GPR19: variants seen among roughly 807,000 people sequenced by gnomAD.
The protein encoded by GPR19 is probable G protein-coupled receptor 19.
Under a neutral mutation model 28.5 loss-of-function variants are expected in GPR19, and 14 were observed. The ratio of observed to expected loss-of-function variants is 0.49; its 90% CI spans 0.32 to 0.77. The LOEUF (loss-of-function observed/expected upper bound fraction) is 0.77, where lower values mean the gene tolerates loss of function less well. GPR19 is among the 30% of genes least tolerant of loss of function. GPR19 has a pLI of 0.03. For missense variants in GPR19, 409 were observed against 504.1 expected (o/e 0.81, Z 1.81); for synonymous variants, 173 against 184.1 (o/e 0.94, Z 0.49).
intron 3 of GPR19, among the ~76,000 whole-genome samples, chr12:12,670,778 T>C (rs1436046088): frequency 6.6e-6 from 1 of 152,208 alleles, no homozygotes. Flanking sequence ...AATTTAGCTT[T>C]GTCAAGGGTA....
intron 3 of GPR19, among the ~76,000 whole-genome samples, chr12:12,670,424 T>C (rs1945840749): frequency 6.6e-6 from 1 of 152,206 alleles, no homozygotes; most frequent in Non-Finnish European, 1.5e-5. Context: ...ATCCTATTCC[T>C]GTCACTCACT....
chr12:12,681,172 A>G (rs1435057099), intron 3 of GPR19, among the ~76,000 whole-genome samples: 1 of 152,166 alleles, frequency 6.6e-6, no homozygotes, highest in African/African-American at 2.4e-5. Flanking sequence ...CTGATGGAGA[A>G]GAAACTACGT....
Position 12,688,347 on chromosome 12 carries a change from G to GT in GPR19, c.-179-3841dup, listed in dbSNP as rs34624218. On this transcript the variant is annotated intron_variant, in intron 2 of 3. Coordinates refer to ENST00000651487, the MANE Select transcript of GPR19 (RefSeq NM_006143.3). ...ATCAAATCTGTACATATAATGTCGA[G>GT]TTTTTTTTTTTAATAAAAAGGCAAG... 4.7e-3 allele frequency among the ~76,000 whole-genome samples: 695 copies of GT among 147,334 alleles called. 5 individuals are homozygous for GT. The highest frequency in any genetic ancestry group is 0.014 in the Middle Eastern group (4 of 286).
chr12:12,701,919 CAAAAAAA>C, the GPR19 span, among the ~76,000 whole-genome samples: 2 of 96,140 alleles, frequency 2.1e-5, no homozygotes, highest in Non-Finnish European at 4.4e-5. Context: ...GACCCTGTCT[CAAAAAAA>C]AAAAAAAAAA....
chr12:12,670,979 G>T (rs957333496), intron 3 of GPR19, among the ~76,000 whole-genome samples: 1 of 151,954 alleles, frequency 6.6e-6, no homozygotes, highest in African/African-American at 2.4e-5. Context: ...GATTGAATAC[G>T]CCTTTTTCAA....
chr12:12,712,311 G>C, the GPR19 span, among the ~76,000 whole-genome samples: 1 of 151,618 alleles, frequency 6.6e-6, no homozygotes, highest in African/African-American at 2.4e-5. Context: ...CCTAGACACT[G>C]TCTGTCATAT....
chr12:12,664,127 C>A (rs1945723115), intron 3 of GPR19, among the ~76,000 whole-genome samples: 1 of 152,112 alleles, frequency 6.6e-6, no homozygotes, highest in Admixed American at 6.5e-5. Context: ...GTAGTTGGGA[C>A]TAGAGGCGCG....
At chr12:12,664,759 A>G (rs1345450425) in intron 3 of GPR19, among the ~76,000 whole-genome samples, 1 of 151,938 alleles carries the variant, frequency 6.6e-6, no homozygotes, top group Non-Finnish European at 1.5e-5. Context: ...TCTCTACTAA[A>G]AATACAAAAG....
At chr12:12,703,061 A>C in the GPR19 span, among the ~76,000 whole-genome samples, 1 of 152,234 alleles carries the variant, frequency 6.6e-6, no homozygotes, top group South Asian at 2.1e-4. Flanking sequence ...GGAGCCCCAC[A>C]AAAATAGAGA....
At chr12:12,663,916 C>T (rs888934679) in intron 3 of GPR19, among the ~76,000 whole-genome samples, 2 of 152,142 alleles carry the variant, frequency 1.3e-5, no homozygotes, top group African/African-American at 4.8e-5. Flanking sequence ...CCTGTGTCTG[C>T]ACCTCACAAA....
chr12:12,703,605 G>T, the GPR19 span, among the ~76,000 whole-genome samples: 1 of 151,956 alleles, frequency 6.6e-6, no homozygotes, highest in African/African-American at 2.4e-5. Context: ...GTACTTCCTA[G>T]TTCTTACTGT....
At chr12:12,678,985 T>C (rs1945980340) in intron 3 of GPR19, among the ~76,000 whole-genome samples, 1 of 152,078 alleles carries the variant, frequency 6.6e-6, no homozygotes, top group East Asian at 1.9e-4. Context: ...TTTGTAGAGA[T>C]GGGGTTTCGC....
At chr12:12,662,619 CT>C (rs1945696805) in intron 3 of GPR19, 149 bp from the exon 4 acceptor site, 1 of 704,514 alleles carries the variant, frequency 1.4e-6, no homozygotes. Context: ...GAAAACATAA[CT>C]ACTATCCAGA....
chr12:12,668,587 GTATAA>G (rs1319602634), intron 3 of GPR19, among the ~76,000 whole-genome samples: 1 of 151,238 alleles, frequency 6.6e-6, no homozygotes, highest in African/African-American at 2.4e-5. Context: ...TTCTCACAAG[GTATAA>G]AGACCATTTT....
chr12:12,684,592 C>G (rs1036466118), intron 2 of GPR19, 85 bp from the exon 3 acceptor site: 1 of 152,240 alleles, frequency 6.6e-6, no homozygotes, highest in Non-Finnish European at 1.5e-5. Flanking sequence ...GTTGCCCCTC[C>G]CTTCTCCTTT....
At chr12:12,662,517 T>C in intron 3 of GPR19, 47 bp from the exon 4 acceptor site, 10 of 1,405,512 alleles carry the variant, frequency 7.1e-6, no homozygotes, top group Middle Eastern at 1.8e-4. Flanking sequence ...AAAGGTGTCA[T>C]ACAGATTGGT....
At chr12:12,715,589 A>G in the GPR19 span, among the ~76,000 whole-genome samples, 1 of 152,236 alleles carries the variant, frequency 6.6e-6, no homozygotes, top group Non-Finnish European at 1.5e-5. Context: ...GGGCCTGGGA[A>G]GGAGCCATTT....
chr12:12,684,555 T>A (rs1265613466), intron 2 of GPR19, 48 bp from the exon 3 acceptor site: 1 of 152,252 alleles, frequency 6.6e-6, no homozygotes, highest in African/African-American at 2.4e-5. Context: ...TGTTAAACCA[T>A]CTTCCCGCCC....
Position 12,662,137 on chromosome 12 carries a change from C to A in GPR19, c.312G>T (p.Val104=). The A allele has an allele frequency of 6.2e-7, 1 of 1,614,224 alleles. No homozygotes were observed. The highest frequency in any genetic ancestry group is 8.5e-7 in the Non-Finnish European group (1 of 1,180,028). The change falls in exon 4 of 4, where the codon GTG becomes GTT. Residue 104 remains valine (V), a synonymous_variant. Coordinates refer to ENST00000651487, the MANE Select transcript of GPR19 (RefSeq NM_006143.3). ...GAAGGTCAGCACATGCCATGGAGACCACAAAGTAGTTGGTGGTAGACTGAG... is the reference window on the plus strand; with the variant it reads ...GAAGGTCAGCACATGCCATGGAGACAACAAAGTAGTTGGTGGTAGACTGAG... ...RRTQSTTNYF[V]VSMACADLLI...
Sources: gnomAD v4.1 joint callset for allele counts (sites outside exome capture counted in the v4.1 genomes callset) on GRCh38, gnomAD v4.1.1 for gene constraint, MANE v1.5 for transcripts, NCBI Gene and HGNC (gene_info 2026-07-23, HGNC 2026-07-21) for gene names.